Variants in SAMD3 observed in about 807,000 individuals in gnomAD.
The protein encoded by SAMD3 is sterile alpha motif domain containing 3.
SAMD3 carries 63 observed loss-of-function variants against 58.5 expected under a neutral mutation model. The ratio of observed to expected loss-of-function variants is 1.08; its 90% confidence interval spans 0.88 to 1.33. The LOEUF is 1.33. Ranked by LOEUF, SAMD3 falls within the 40% of genes most tolerant of loss-of-function variation. The pLI is 0.00. For synonymous variants in SAMD3, 220 were observed against 210.3 expected (o/e 1.05, Z -0.40); for missense variants, 604 against 608.4 (o/e 0.99, Z 0.08).
chr6:130,350,483 G>C (rs1341128840), intron 1 of SAMD3, among the ~76,000 whole-genome samples: 1 of 152,062 alleles, frequency 6.6e-6, no homozygotes, highest in Admixed American at 6.5e-5. Flanking sequence ...TTGCTTCAAA[G>C]AGAATAAAAT....
In SAMD3 at chr6:130,154,898, CT is replaced by C. The variant is rs768578170; in HGVS notation, c.949del (p.Arg317GlufsTer3). Reference protein sequence around the residue: ...KRMSQTLEIRRKMIGSRTPLK... With the variant: ...KRMSQTLEIRXKMIGSRTPLK... ...AGGTGTTCGGCTGCCAATCATCTTT[CT>C]TCTTATTTCCAAAGTTTGGCTCATT... On this transcript the variant is annotated frameshift_variant, in exon 9 of 12. Coordinates refer to ENST00000439090, the MANE Select transcript of SAMD3 (RefSeq NM_001017373.4). LOFTEE classifies it high-confidence loss of function. The C allele has an allele frequency of 2.5e-6, 4 of 1,613,450 alleles. No homozygotes were observed. The highest frequency in any genetic ancestry group is 1.7e-5 in the Admixed American group (1 of 59,970).
At chr6:130,232,091 C>G (rs970043855) in intron 2 of SAMD3, among the ~76,000 whole-genome samples, 1 of 152,056 alleles carries the variant, frequency 6.6e-6, no homozygotes, top group Non-Finnish European at 1.5e-5. Flanking sequence ...GTTCCTGGAT[C>G]GATAGTGACC....
At chr6:130,218,608 T>A (rs1018030870) in intron 1 of SAMD3, among the ~76,000 whole-genome samples, 1 of 152,182 alleles carries the variant, frequency 6.6e-6, no homozygotes, top group African/African-American at 2.4e-5. Context: ...GAAGCCTTAC[T>A]AAGAAGATAA....
chr6:130,341,158 A>AGTGG, intron 1 of SAMD3, among the ~76,000 whole-genome samples: 1 of 150,470 alleles, frequency 6.6e-6, no homozygotes, highest in African/African-American at 2.5e-5. Context: ...AGGGAGGAAG[A>AGTGG]GAGGGAGGGA....
intron 5 of SAMD3, among the ~76,000 whole-genome samples, chr6:130,197,707 G>A (rs1425356744): frequency 6.6e-6 from 1 of 152,062 alleles, no homozygotes; most frequent in Non-Finnish European, 1.5e-5. Context: ...GCTCGAAGCA[G>A]CCCTGAGAAA....
chr6:130,290,886 A>AT (rs1775339569), intron 2 of SAMD3, among the ~76,000 whole-genome samples: 2 of 152,140 alleles, frequency 1.3e-5, no homozygotes, highest in Non-Finnish European at 1.5e-5. Flanking sequence ...TAAAAAAGAA[A>AT]TTTTTCTGTT....
At chr6:130,173,564 G>A (rs183644380) in intron 8 of SAMD3, among the ~76,000 whole-genome samples, 95 of 152,342 alleles carry the variant, frequency 6.2e-4, no homozygotes, top group Admixed American at 4.5e-3. Context: ...TCGTCCCAGA[G>A]GGGCACTGGC....
intron 2 of SAMD3, among the ~76,000 whole-genome samples, chr6:130,278,519 A>G (rs1165421876): frequency 6.6e-6 from 1 of 152,112 alleles, no homozygotes; most frequent in African/African-American, 2.4e-5. Flanking sequence ...TCCATTGCAG[A>G]GTTGTTTTCT....
intron 2 of SAMD3, among the ~76,000 whole-genome samples, chr6:130,264,766 A>T (rs937939640): frequency 1.4e-4 from 21 of 152,216 alleles, no homozygotes; most frequent in Admixed American, 1.3e-3. Flanking sequence ...CAACAGCAAC[A>T]AGCTTTTCAT....
chr6:130,317,856 C>G (rs1776437832), intron 1 of SAMD3, among the ~76,000 whole-genome samples: 2 of 152,314 alleles, frequency 1.3e-5, no homozygotes, highest in South Asian at 4.1e-4. Flanking sequence ...AGTATTCAGG[C>G]TGCAGGCCTA....
chr6:130,268,769 A>C (rs1204932078), intron 2 of SAMD3, among the ~76,000 whole-genome samples: 2 of 152,232 alleles, frequency 1.3e-5, no homozygotes, highest in East Asian at 3.9e-4. Flanking sequence ...GTGTAAGTGC[A>C]CTCTATGATG....
intron 5 of SAMD3, among the ~76,000 whole-genome samples, chr6:130,198,845 G>A (rs1794385478): frequency 6.6e-6 from 1 of 152,136 alleles, no homozygotes; most frequent in Non-Finnish European, 1.5e-5. Flanking sequence ...CCAGGCTTCA[G>A]TTGCACCCCA....
downstream of SAMD3, chr6:130,144,079 T>C (rs1340080043): frequency 6.2e-6 from 1 of 160,800 alleles, no homozygotes; most frequent in Non-Finnish European, 1.3e-5. Context: ...ATGTGTCCCT[T>C]CTTGAAATGT....
At chr6:130,345,655 G>A (rs938699282) in intron 1 of SAMD3, among the ~76,000 whole-genome samples, 1 of 151,840 alleles carries the variant, frequency 6.6e-6, no homozygotes, top group Non-Finnish European at 1.5e-5. Context: ...CATATGGCAG[G>A]CCCTTGGCAC....
chr6:130,152,699 T>A (rs55717802), intron 9 of SAMD3, among the ~76,000 whole-genome samples: 22,509 of 151,560 alleles, frequency 0.15, 2,122 homozygotes, highest in African/African-American at 0.26. Flanking sequence ...AATAAATAAA[T>A]AAAACAATCA....
intron 1 of SAMD3, among the ~76,000 whole-genome samples, chr6:130,362,590 T>C (rs1293230087): frequency 1.3e-5 from 2 of 152,228 alleles, no homozygotes; most frequent in African/African-American, 4.8e-5. Flanking sequence ...GGAGAGAGTA[T>C]GGCTCCTTTC....
chr6:130,253,689 G>C (rs949982079), intron 2 of SAMD3, among the ~76,000 whole-genome samples: 7 of 151,746 alleles, frequency 4.6e-5, no homozygotes, highest in African/African-American at 1.7e-4. Context: ...TCTATTTTAA[G>C]AAATAAATTA....
At chr6:130,215,515 A>G (rs1242958629) in intron 2 of SAMD3, 2 of 1,329,486 alleles carry the variant, frequency 1.5e-6, no homozygotes, top group Admixed American at 7.1e-5. Context: ...CTAGCATCCC[A>G]TTTCTCAAAT....
At chr6:130,339,444 C>A (rs536285413) in intron 1 of SAMD3, among the ~76,000 whole-genome samples, 8 of 152,102 alleles carry the variant, frequency 5.3e-5, no homozygotes, top group African/African-American at 1.9e-4. Flanking sequence ...TTCCTCCATG[C>A]TGTTCTTGTG....
Sources: allele counts gnomAD v4.1 joint callset (sites outside exome capture counted in the v4.1 genomes callset), GRCh38; gene constraint gnomAD v4.1.1; transcripts MANE v1.5; gene names NCBI Gene and HGNC (gene_info 2026-07-23, HGNC 2026-07-21).